FRMPD4: variants seen among roughly 807,000 people sequenced by gnomAD.
FRMPD4 encodes the protein FERM and PDZ domain-containing protein 4.
A neutral mutation model predicts 94.1 loss-of-function variants in FRMPD4; 22 were observed. The observed-to-expected ratio is 0.23, with a 90% CI of 0.17 to 0.33. The LOEUF (loss-of-function observed/expected upper bound fraction) is 0.33, where lower values mean the gene tolerates loss of function less well. FRMPD4 is among the 10% of genes least tolerant of loss of function. The pLI, the probability that FRMPD4 is intolerant of heterozygous loss-of-function variation, is 1.00. For synonymous variants in FRMPD4, 631 were observed against 548.6 expected (o/e 1.15, Z -2.10); for missense variants, 1,111 against 1,339.9 (o/e 0.83, Z 2.67).
intron 3 of FRMPD4, among the ~76,000 whole-genome samples, chrX:11,955,502 G>A (rs1253762319): frequency 9.1e-6 from 1 of 110,264 alleles, no homozygotes; most frequent in Non-Finnish European, 1.9e-5. Flanking sequence ...ATGTATGTAT[G>A]TATGTTTGGG....
chrX:12,286,592 C>T, intron 1 of FRMPD4, among the ~76,000 whole-genome samples: 1 of 112,037 alleles, frequency 8.9e-6, no homozygotes, highest in East Asian at 2.8e-4. Flanking sequence ...GCACAAGAAC[C>T]CCTCTGCTTT....
intron 1 of FRMPD4, among the ~76,000 whole-genome samples, chrX:12,371,489 A>G (rs2148008392): frequency 8.9e-6 from 1 of 112,788 alleles, no homozygotes; most frequent in South Asian, 3.7e-4. Context: ...AAAACTGAGC[A>G]CGAAATTCCT....
chrX:12,620,937 A>G (rs2059281851), intron 4 of FRMPD4, among the ~76,000 whole-genome samples: 1 of 112,370 alleles, frequency 8.9e-6, no homozygotes, highest in African/African-American at 3.2e-5. Flanking sequence ...AGACTGGAAG[A>G]GGGCCGGGTG....
chrX:11,909,604 T>G (rs1354542962), intron 3 of FRMPD4, among the ~76,000 whole-genome samples: 2 of 110,263 alleles, frequency 1.8e-5, no homozygotes, highest in African/African-American at 6.6e-5. Flanking sequence ...TAACAGATTT[T>G]CTTGAGTTGG....
At chrX:12,351,317 C>T (rs766800874) in intron 1 of FRMPD4, among the ~76,000 whole-genome samples, 1 of 110,619 alleles carries the variant, frequency 9.0e-6, no homozygotes, top group Non-Finnish European at 1.9e-5. Flanking sequence ...TTGGCACAGC[C>T]CCCTGCCCCC....
At chrX:12,667,838 G>C (rs768289075) in intron 4 of FRMPD4, among the ~76,000 whole-genome samples, 1 of 112,428 alleles carries the variant, frequency 8.9e-6, no homozygotes, top group East Asian at 2.8e-4. Flanking sequence ...AGGCAAGTTT[G>C]ACAGGAGTGG....
rs533092211 is a variant in FRMPD4, at chrX:11,952,824, G to T, written c.95+74806G>T. On this transcript the variant is annotated intron_variant, in intron 3 of 18. Coordinates refer to the FRMPD4 transcript ENST00000640291. Reference sequence around the variant, plus strand: ...TAATGAATAGAACAGTGCCAGTCAAGGTGGAGACCATCAGCAACATCAGCG... The same window carrying T: ...TAATGAATAGAACAGTGCCAGTCAATGTGGAGACCATCAGCAACATCAGCG... Among the ~76,000 whole-genome samples, 4 of 111,780 alleles carry T rather than the reference G, an allele frequency of 3.6e-5. No homozygotes were observed. The South Asian group carries it at 1.5e-3, about 42-fold the overall frequency.
chrX:12,268,069 C>G (rs1449979515), intron 1 of FRMPD4, among the ~76,000 whole-genome samples: 3 of 112,612 alleles, frequency 2.7e-5, no homozygotes, highest in Non-Finnish European at 5.6e-5. Flanking sequence ...GATGCAAGCT[C>G]CTTTCATCTG....
intron 2 of FRMPD4, among the ~76,000 whole-genome samples, chrX:12,602,181 G>A (rs752842394): frequency 4.5e-5 from 5 of 111,849 alleles, no homozygotes; most frequent in South Asian, 7.6e-4. Flanking sequence ...ACCTCTCTCC[G>A]TTGTAACCTA....
chrX:12,202,221 CTTG>C (rs2056639281), intron 1 of FRMPD4, among the ~76,000 whole-genome samples: 2 of 111,642 alleles, frequency 1.8e-5, no homozygotes, highest in Admixed American at 9.5e-5. Flanking sequence ...ATATTTATAG[CTTG>C]TTGTATCAAA....
At chrX:11,923,078 G>T (rs765349086) in intron 3 of FRMPD4, among the ~76,000 whole-genome samples, 1 of 112,896 alleles carries the variant, frequency 8.9e-6, no homozygotes, top group South Asian at 3.7e-4. Flanking sequence ...CAGCCCACAT[G>T]CTCCCTCCCC....
intron 1 of FRMPD4, among the ~76,000 whole-genome samples, chrX:12,467,325 C>A (rs2148165830): frequency 8.9e-6 from 1 of 111,905 alleles, no homozygotes; most frequent in Non-Finnish European, 1.9e-5. Flanking sequence ...AAATTTCCAA[C>A]ACGGTTTCTT....
chrX:12,112,286 A>T (rs1370941978), intron 3 of FRMPD4, among the ~76,000 whole-genome samples: 1 of 111,573 alleles, frequency 9.0e-6, no homozygotes, highest in Non-Finnish European at 1.9e-5. Flanking sequence ...ATGAAGCTGG[A>T]AACCATCATT....
intron 1 of FRMPD4, among the ~76,000 whole-genome samples, chrX:12,321,790 G>A (rs2055211755): frequency 8.9e-6 from 1 of 111,995 alleles, no homozygotes; most frequent in South Asian, 3.7e-4. Context: ...TGTGGTTAAT[G>A]CTATAAAGAA....
chrX:12,363,313 C>T (rs1030954543), intron 1 of FRMPD4, among the ~76,000 whole-genome samples: 2 of 112,583 alleles, frequency 1.8e-5, no homozygotes, highest in East Asian at 5.5e-4. Context: ...ATACTTGCCT[C>T]ATGGGTGATA....
chrX:12,563,675 G>A (rs1034280816), intron 2 of FRMPD4, among the ~76,000 whole-genome samples: 9 of 111,889 alleles, frequency 8.0e-5, no homozygotes, highest in African/African-American at 2.6e-4. Context: ...TATTCATGAT[G>A]CATTATTTCT....
At chrX:12,323,212 T>C (rs2055236864) in intron 1 of FRMPD4, among the ~76,000 whole-genome samples, 1 of 111,701 alleles carries the variant, frequency 9.0e-6, no homozygotes, top group Non-Finnish European at 1.9e-5. Flanking sequence ...AGCCTTGGGC[T>C]CTGGAAGCAA....
rs775301000 is a variant in FRMPD4, at chrX:12,418,647, C to T, written c.42-80033C>T. Among the ~76,000 whole-genome samples the T allele has an allele frequency of 8.1e-4, 89 of 110,019 alleles. 2 individuals are homozygous for T. The highest frequency in any genetic ancestry group is 1.3e-3 in the Non-Finnish European group (66 of 52,114). On this transcript the variant is annotated intron_variant, in intron 1 of 16. Transcript: ENST00000675598. ...TACTGGGATTACAGTCGTGAGTCAC[C>T]GCACCTGGCCACATCCATCAGTATT...
intron 2 of FRMPD4, among the ~76,000 whole-genome samples, chrX:12,562,888 G>C (rs944363457): frequency 1.8e-5 from 2 of 112,101 alleles, no homozygotes; most frequent in Non-Finnish European, 3.8e-5. Context: ...GGGCTCAAGC[G>C]ATCCTCCTGC....
Sources: gnomAD v4.1 joint callset for allele counts (sites outside exome capture counted in the v4.1 genomes callset) on GRCh38, gnomAD v4.1.1 for gene constraint, MANE v1.5 for transcripts, NCBI Gene and HGNC (gene_info 2026-07-23, HGNC 2026-07-21) for gene names.